Variants in PRAM1 observed in about 807,000 individuals in gnomAD.
PRAM1 encodes PML-RARA regulated adaptor molecule 1.
In PRAM1, 41 loss-of-function variants were observed where a neutral mutation model predicts 55.3. That is an observed-to-expected ratio of 0.74 (90% CI 0.58 to 0.96). PRAM1 has a LOEUF of 0.96. Among genes scored for constraint, PRAM1 ranks in the 40% least tolerant of loss-of-function variants. The pLI is 0.00. For synonymous variants in PRAM1, 401 were observed against 387.1 expected (o/e 1.04, Z -0.42); for missense variants, 898 against 892.7 (o/e 1.01, Z -0.08).
rs117300065 is a variant in PRAM1 at position 8,491,021 on chromosome 19, G to A, written c.1635-26C>T. On this transcript the variant is annotated intron_variant, in intron 5 of 9. Transcript: ENST00000423345. The stretch of plus-strand genomic sequence containing the variant: ...CTGATAGCCCCCACCAAGGAATTGT[G>A]TGCTCGTGAGCAAGTTGTGCTCCTC... The A allele has an allele frequency of 7.3e-3, 11,762 of 1,612,916 alleles. 66 individuals carry two copies. Among genetic ancestry groups the A allele is most frequent in the Admixed American group, 9.2e-3 (550 of 60,018 alleles).
At chr19:8,502,430 C>T in intron 1 of PRAM1, 135 bp downstream of exon 1, 1 of 1,119,628 alleles carries the variant, frequency 8.9e-7, no homozygotes, top group Non-Finnish European at 1.3e-6. Flanking sequence ...GCCGACCCTT[C>T]CCGTTTCCCA....
intron 4 of PRAM1, among the ~76,000 whole-genome samples, chr19:8,497,042 A>AATGAATGG (rs1055480697): frequency 2.0e-5 from 3 of 152,060 alleles, no homozygotes; most frequent in African/African-American, 7.2e-5. Context: ...TAAATAAATA[A>AATGAATGG]ATGAATGGAT....
chr19:8,496,024 C>T (rs763803783), intron 4 of PRAM1: 1 of 455,490 alleles, frequency 2.2e-6, no homozygotes, highest in South Asian at 1.6e-5. Context: ...CCTCCCTCCC[C>T]TGCCACTGCC....
At position 8,490,193 on chromosome 19, in the gene PRAM1, C is replaced by G; in HGVS notation, c.2009G>C (p.Arg670Pro). 5 of 1,580,810 alleles carry G rather than the reference C, an allele frequency of 3.2e-6. No individual in the cohort carries two copies. The highest frequency in any genetic ancestry group is 4.3e-6 in the Non-Finnish European group (5 of 1,162,076). The change falls in exon 10 of 10, where the codon CGG becomes CCG. Residue 670 changes from arginine (R) to proline (P), a missense_variant. Coordinates refer to ENST00000423345, the MANE Select transcript of PRAM1 (RefSeq NM_032152.5). The surrounding 1 kb of genome is among the most constrained non-coding windows in gnomAD (Gnocchi z 7.3). ...PLENQPLPLG[R>P] is the part of the protein sequence containing the mutation. ...CTGGCCCCACGCCTACCGGTCTTAC[C>G]GTCCCAGGGGGAGTGGTTGGTTTTC...
At chr19:8,495,984 C>A in intron 4 of PRAM1, 1 of 449,552 alleles carries the variant, frequency 2.2e-6, no homozygotes, top group South Asian at 1.6e-5. Flanking sequence ...CCTATTCACC[C>A]AGCACAAACT....
chr19:8,500,784 G>A (rs1239117819), intron 1 of PRAM1, among the ~76,000 whole-genome samples: 2 of 152,044 alleles, frequency 1.3e-5, no homozygotes, highest in African/African-American at 4.8e-5. Context: ...TTTATTTTTT[G>A]AGATGGAGTC....
intron 1 of PRAM1, among the ~76,000 whole-genome samples, chr19:8,500,985 C>T (rs578097181): frequency 6.6e-6 from 1 of 152,174 alleles, no homozygotes; most frequent in South Asian, 2.1e-4. Context: ...AGGCTGGTCT[C>T]AAACTCACGA....
chr19:8,497,637 C>T, intron 4 of PRAM1, 127 bp downstream of exon 4: 3 of 718,754 alleles, frequency 4.2e-6, no homozygotes, highest in South Asian at 3.8e-5. Flanking sequence ...CTGGGCTCCC[C>T]TTATGTAGTT....
At position 8,498,487 on chromosome 19, in the gene PRAM1, G is replaced by A. The variant is rs746782240; in HGVS notation, c.1321C>T (p.Arg441Trp). The change falls in exon 2 of 10, where the codon CGG (arginine) becomes TGG (tryptophan). Residue 441 changes from arginine (R) to tryptophan (W), a missense_variant. By Grantham distance (101) the Arg-to-Trp change is moderately radical. Transcript: ENST00000423345. ...CTGCTGGCAGGGGGCAGAGGCCTCCGCCGGGGTGGATGGCTGGGTCTGAGG... is the reference window on the plus strand; with the variant it reads ...CTGCTGGCAGGGGGCAGAGGCCTCCACCGGGGTGGATGGCTGGGTCTGAGG... ...PGLRPSHPPR[R>W]RPLPPASSLG... 5.7e-6 allele frequency: 9 copies of A among 1,592,210 alleles called. No individual in the cohort carries two copies. In the East Asian group the frequency reaches 9.0e-5, roughly 16 times the overall value.
At chr19:8,492,791 G>A (rs930357862) in intron 4 of PRAM1, among the ~76,000 whole-genome samples, 1 of 151,894 alleles carries the variant, frequency 6.6e-6, no homozygotes, top group Non-Finnish European at 1.5e-5. Context: ...GAGGTCAGGA[G>A]TTTGACAGCA....
rs751814949 is a variant in PRAM1 at position 8,498,419 on chromosome 19, G to T, written c.1389C>A (p.Pro463=). The part of the protein sequence containing the change: ...PPAKPPLPPG[P]VDMQSFRRPS... ...GTCTCCGAAAGCTCTGCATATCCAC[G>T]GGCCCCGGGGGCAGCGGGGGCTTGG... is the stretch of plus-strand genomic sequence containing the variant. Residue 463 remains proline, a synonymous_variant, in exon 2 of 10, where the codon CCC becomes CCA. Transcript: ENST00000423345. 9 of 1,576,700 alleles carry T rather than the reference G, an allele frequency of 5.7e-6. No individual in the cohort carries two copies. The East Asian group carries it at 1.6e-4, about 28-fold the overall frequency.
chr19:8,497,094 C>T (rs1467454836), intron 4 of PRAM1, among the ~76,000 whole-genome samples: 1 of 151,520 alleles, frequency 6.6e-6, no homozygotes, highest in Admixed American at 6.6e-5. Context: ...AACATCTTGT[C>T]GTCAACCCAG....
chr19:8,491,549 G>A (rs938063460), intron 4 of PRAM1: 46 of 313,924 alleles, frequency 1.5e-4, no homozygotes, highest in Non-Finnish European at 2.4e-4. Flanking sequence ...TGGATCTTGA[G>A]TAAGGCCTCC....
chr19:8,490,149 G>A lies in PRAM1; in HGVS notation c.*40C>T, dbSNP rs774368733. 35 of 1,506,868 alleles carry A rather than the reference G, an allele frequency of 2.3e-5. No individual in the cohort carries two copies. The highest frequency in any genetic ancestry group is 1.1e-4 in the Admixed American group (5 of 46,814). 93.3% of individuals were successfully genotyped at this position (1,506,868 alleles called of 1,614,324 possible). On this transcript the variant is annotated 3_prime_UTR_variant, in exon 10 of 10. Transcript: ENST00000423345. This position sits in a 1 kb window ranked among gnomAD's most constrained non-coding sequence, Gnocchi z 7.3. ...ATCCAGGGCTCCTGGGTGAGCGGGCGCTGGGCTGGCTGGCTGTCCTGGCCC... is the reference window on the plus strand; with the variant it reads ...ATCCAGGGCTCCTGGGTGAGCGGGCACTGGGCTGGCTGGCTGTCCTGGCCC...
rs780586365 is a variant in PRAM1 at position 8,499,112 on chromosome 19, C to T, written c.696G>A (p.Gln232=). The T allele has an allele frequency of 6.2e-7, 1 of 1,613,586 alleles. No individual in the cohort carries two copies. The highest frequency in any genetic ancestry group is 1.7e-5 in the Admixed American group (1 of 59,980). Residue 232 remains glutamine, a synonymous_variant, in exon 2 of 10, where the codon CAG becomes CAA. Coordinates refer to ENST00000423345, the MANE Select transcript of PRAM1 (RefSeq NM_032152.5). ...CGGACTTCTTAGGGAGGCCACCGAC[C>T]TGAGGCTGCGGAGGCTTTTTGGGGT... The part of the protein sequence containing the change: ...NVYPKKPPQP[Q]VGGLPKKSVP...
rs199826407 is a variant in PRAM1, at chr19:8,492,243, T to TTG, written c.1577-1087_1577-1086insCA. On this transcript the variant is annotated intron_variant, in intron 4 of 9. Coordinates refer to ENST00000423345, the MANE Select transcript of PRAM1 (RefSeq NM_032152.5). Reference sequence around the variant, plus strand: ...AGCCACCGTGCCTAGCCGTTTTTTTTTTTGTTTCTTTTGTTTTTGTTTTTG... The same window carrying TTG: ...AGCCACCGTGCCTAGCCGTTTTTTTTTGTTTGTTTCTTTTGTTTTTGTTTTTG... Among the ~76,000 whole-genome samples the TTG allele has an allele frequency of 9.9e-3, 1,406 of 142,318 alleles. 27 individuals carry two copies. The highest frequency in any genetic ancestry group is 0.035 in the African/African-American group (1,334 of 38,442). The allele number at this position is 142,318 out of a possible 152,430, so 93.4% of individuals were successfully genotyped here.
chr19:8,490,213 G>T lies in PRAM1; in HGVS notation c.1989C>A (p.Asn663Lys), dbSNP rs966095262. The T allele has an allele frequency of 6.3e-7, 1 of 1,598,792 alleles. No individual in the cohort carries two copies. The highest frequency in any genetic ancestry group is 1.3e-5 in the African/African-American group (1 of 74,730). Residue 663 changes from asparagine (N) to lysine (K), a missense_variant, in exon 10 of 10, where the codon AAC (asparagine) becomes AAA (lysine). This residue lies in a region of PRAM1 where 787 missense variants were observed against 735.4 expected (regional missense o/e 1.07). Transcript: ENST00000423345. This position sits in a 1 kb window ranked among gnomAD's most constrained non-coding sequence, Gnocchi z 7.3. Reference protein sequence around the residue: ...DDVDFCDPLENQPLPLGR With the variant: ...DDVDFCDPLEKQPLPLGR ...CTTACCGTCCCAGGGGGAGTGGTTG[G>T]TTTTCCAGGGGATCTGCCGAGGAAG...
chr19:8,496,198 G>A (rs1198695717), intron 4 of PRAM1: 5 of 431,960 alleles, frequency 1.2e-5, no homozygotes, highest in Non-Finnish European at 1.9e-5. Context: ...GGCGGATCAC[G>A]AGGTCAGGAG....
rs1428652793 is a variant in PRAM1 at position 8,497,833 on chromosome 19, C to G, written c.1507G>C (p.Asp503His). 1.3e-6 allele frequency: 2 copies of G among 1,561,494 alleles called. No individual in the cohort carries two copies. Among genetic ancestry groups the G allele is most frequent in the African/African-American group, 2.8e-5 (2 of 71,520 alleles). The change falls in exon 4 of 10, where the codon GAT becomes CAT. Residue 503 changes from aspartate to histidine, a missense_variant. Transcript: ENST00000423345. The stretch of plus-strand genomic sequence containing the variant: ...TCGTCATACAGCTCGTAGATCTCAT[C>G]TGGGACCCTGCGGGGATACCTGAGA... ...RQPEDIPQVP[D>H]EIYELYDDVE...
Sources: allele counts gnomAD v4.1 joint callset (sites outside exome capture counted in the v4.1 genomes callset), GRCh38; gene constraint gnomAD v4.1.1; regional missense constraint gnomAD v4.1.1; non-coding constraint Gnocchi (gnomAD v3.1); transcripts MANE v1.5; gene names NCBI Gene and HGNC (gene_info 2026-07-23, HGNC 2026-07-21).